ITGA9: variants seen among roughly 807,000 people sequenced by gnomAD.
ITGA9 encodes the protein integrin subunit alpha 9.
ITGA9 carries 56 observed loss-of-function variants against 127.8 expected under a neutral mutation model. The ratio of observed to expected loss-of-function variants is 0.44; its 90% CI spans 0.35 to 0.55. ITGA9 has a LOEUF of 0.55. ITGA9 is among the 20% of genes least tolerant of loss of function. The pLI is 0.00. For synonymous variants in ITGA9, 508 were observed against 514.5 expected (o/e 0.99, Z 0.17); for missense variants, 1,196 against 1,347.1 (o/e 0.89, Z 1.76).
intron 18 of ITGA9, among the ~76,000 whole-genome samples, chr3:37,702,258 G>A (rs551287790): frequency 2.0e-5 from 3 of 152,280 alleles, no homozygotes; most frequent in East Asian, 1.9e-4. Flanking sequence ...GCCCCAGGAC[G>A]GTGCAGCCAG....
At chr3:37,646,919 T>C (rs1700383357) in intron 16 of ITGA9, among the ~76,000 whole-genome samples, 1 of 151,914 alleles carries the variant, frequency 6.6e-6, no homozygotes, top group Admixed American at 6.6e-5. Flanking sequence ...TTCTACTTGG[T>C]TTTTGAAACT....
intron 8 of ITGA9, among the ~76,000 whole-genome samples, chr3:37,509,190 G>A (rs1270707263): frequency 1.3e-5 from 2 of 152,192 alleles, no homozygotes. Flanking sequence ...GCCTGGGTGA[G>A]ATTACTCTGC....
At chr3:37,743,201 A>G (rs910974243) in intron 21 of ITGA9, among the ~76,000 whole-genome samples, 2 of 152,238 alleles carry the variant, frequency 1.3e-5, no homozygotes, top group African/African-American at 4.8e-5. Flanking sequence ...TTGAAAATGG[A>G]TGAGTTGTTG....
At position 37,819,149 on chromosome 3, in the gene ITGA9, C is replaced by A. The variant is rs1406438821; in HGVS notation, c.*160C>A. 5 of 673,406 alleles carry A rather than the reference C, an allele frequency of 7.4e-6. No homozygotes were observed. The Admixed American group carries it at 9.1e-5, about 12-fold the overall frequency. The allele number at this position is 673,406 out of a possible 1,614,324, so 41.7% of individuals were successfully genotyped here. A position where few individuals can be genotyped will look rare whatever the true frequency, so the allele number is the denominator to read the frequency against. ...AAGCCCAGGTGCCAGCCTGAGGCAG[C>A]CACTTCGGCCAGGTCACACGACCGG... On this transcript the variant is annotated 3_prime_UTR_variant, in exon 28 of 28. Transcript: ENST00000264741.
At position 37,629,366 on chromosome 3, in the gene ITGA9, C is replaced by T; in HGVS notation, c.1839+30C>T. The T allele has an allele frequency of 6.2e-7, 1 of 1,612,648 alleles. No individual in the cohort carries two copies. Among genetic ancestry groups the T allele is most frequent in the Non-Finnish European group, 8.5e-7 (1 of 1,179,390 alleles). ...GAACCTTAAAGCTCATACTCAGCAC[C>T]CAAGGTGGCAGCTGCACAGAGCAGA... is the stretch of plus-strand genomic sequence containing the variant. On this transcript the variant is annotated intron_variant, in intron 16 of 27. Coordinates refer to ENST00000264741, the MANE Select transcript of ITGA9 (RefSeq NM_002207.3). The surrounding 1 kb of genome is among the most constrained non-coding windows in gnomAD (Gnocchi z 4.5).
intron 15 of ITGA9, among the ~76,000 whole-genome samples, chr3:37,554,674 C>T (rs190509167): frequency 6.6e-6 from 1 of 152,112 alleles, no homozygotes; most frequent in East Asian, 1.9e-4. Context: ...TCAAATTCTG[C>T]GTGCATTTTG....
intron 15 of ITGA9, among the ~76,000 whole-genome samples, chr3:37,622,349 A>G (rs2125632005): frequency 6.6e-6 from 1 of 151,956 alleles, no homozygotes; most frequent in South Asian, 2.1e-4. Flanking sequence ...TCGGCCTCCC[A>G]AAGTGCTGGG....
intron 19 of ITGA9, among the ~76,000 whole-genome samples, chr3:37,733,429 G>A (rs1433271760): frequency 2.8e-5 from 4 of 143,856 alleles, no homozygotes; most frequent in African/African-American, 1.0e-4. Flanking sequence ...GGTGATTGGA[G>A]GCAAAACTAG....
intron 15 of ITGA9, among the ~76,000 whole-genome samples, chr3:37,613,820 C>T (rs144635119): frequency 4.6e-5 from 7 of 152,064 alleles, no homozygotes; most frequent in Middle Eastern, 6.8e-3. Flanking sequence ...TGTTTGTTTT[C>T]TTCTTGTAAA....
At chr3:37,777,251 A>T (rs918463451) in intron 23 of ITGA9, 141 bp from the exon 24 acceptor site, 1 of 919,972 alleles carries the variant, frequency 1.1e-6, no homozygotes, top group Non-Finnish European at 1.7e-6. Flanking sequence ...TCAGCTTTTC[A>T]GCCATTGTTC....
At chr3:37,724,129 C>G (rs896465746) in intron 18 of ITGA9, among the ~76,000 whole-genome samples, 10 of 152,160 alleles carry the variant, frequency 6.6e-5, no homozygotes, top group Admixed American at 1.3e-4. Flanking sequence ...GGGAATGCCA[C>G]TCAGCCTCTG....
rs1263187132 is a variant in ITGA9, at chr3:37,799,855, A to G, written c.2890-3968A>G. On this transcript the variant is annotated intron_variant, in intron 26 of 27. Coordinates refer to ENST00000264741, the MANE Select transcript of ITGA9 (RefSeq NM_002207.3). This position sits in a 1 kb window ranked among gnomAD's most constrained non-coding sequence, Gnocchi z 4.0. ...AGGATCACCCAGCTCATTGGTGGTG[A>G]TGACGGGACCTGATCATCAGTGCTT... Among the ~76,000 whole-genome samples the G allele has an allele frequency of 6.6e-6, 1 of 152,178 alleles. No homozygotes were observed. Among genetic ancestry groups the G allele is most frequent in the African/African-American group, 2.4e-5 (1 of 41,442 alleles).
intron 15 of ITGA9, among the ~76,000 whole-genome samples, chr3:37,624,456 C>T (rs939307669): frequency 6.6e-6 from 1 of 152,052 alleles, no homozygotes. Context: ...TTCCACTAAA[C>T]CCATGTGGCA....
At chr3:37,796,765 A>G (rs1474056617) in intron 26 of ITGA9, among the ~76,000 whole-genome samples, 1 of 152,224 alleles carries the variant, frequency 6.6e-6, no homozygotes, top group Non-Finnish European at 1.5e-5. Context: ...ATGATGTTGA[A>G]TGTATTAATT....
At chr3:37,553,085 G>T (rs1699394511) in intron 15 of ITGA9, among the ~76,000 whole-genome samples, 1 of 151,028 alleles carries the variant, frequency 6.6e-6, no homozygotes, top group African/African-American at 2.4e-5. Context: ...ATAGCACAAA[G>T]AAATACCGTA....
chr3:37,526,164 C>T (rs370196362), intron 13 of ITGA9, 93 bp downstream of exon 13: 18 of 1,094,854 alleles, frequency 1.6e-5, no homozygotes, highest in South Asian at 1.0e-4. Flanking sequence ...CTGTCCTGTT[C>T]CTTGTAGGCT....
chr3:37,491,430 C>T (rs148312131), intron 4 of ITGA9, among the ~76,000 whole-genome samples: 95 of 152,336 alleles, frequency 6.2e-4, no homozygotes, highest in Middle Eastern at 6.8e-3. Flanking sequence ...AGGGCCATGT[C>T]CCTGGGGGCA....
intron 23 of ITGA9, among the ~76,000 whole-genome samples, chr3:37,775,042 A>T (rs1345966859): frequency 2.6e-5 from 4 of 152,254 alleles, no homozygotes; most frequent in African/African-American, 9.6e-5. Context: ...ATTAAACTGA[A>T]GAGCTTCTAC....
chr3:37,700,011 T>C (rs1700928673), intron 18 of ITGA9, among the ~76,000 whole-genome samples: 1 of 152,166 alleles, frequency 6.6e-6, no homozygotes, highest in South Asian at 2.1e-4. Context: ...TGAAACAGAG[T>C]CTCCCTCTGT....
Sources: gnomAD v4.1 joint callset for allele counts (sites outside exome capture counted in the v4.1 genomes callset) on GRCh38, gnomAD v4.1.1 for gene constraint, Gnocchi (gnomAD v3.1) non-coding constraint, MANE v1.5 for transcripts, NCBI Gene and HGNC (gene_info 2026-07-23, HGNC 2026-07-21) for gene names.